KIAA0586: variants seen among roughly 807,000 people sequenced by gnomAD.
KIAA0586 encodes KIAA0586.
Under a neutral mutation model 169.8 loss-of-function variants are expected in KIAA0586, and 144 were observed. The observed-to-expected ratio is 0.85, with a 90% confidence interval of 0.74 to 0.97. The LOEUF (loss-of-function observed/expected upper bound fraction) is 0.97, where lower values mean the gene tolerates loss of function less well. Among genes scored for constraint, KIAA0586 ranks in the 50% least tolerant of loss-of-function variants. The pLI, the probability that KIAA0586 is intolerant of heterozygous loss-of-function variation, is 0.00. For missense variants in KIAA0586, 1,854 were observed against 1,823.0 expected (o/e 1.02, Z -0.31); for synonymous variants, 625 against 612.4 (o/e 1.02, Z -0.30).
At chr14:58,477,355 T>G in intron 20 of KIAA0586, 114 bp downstream of exon 20, 3 of 610,948 alleles carry the variant, frequency 4.9e-6, no homozygotes, top group Non-Finnish European at 2.9e-6. Flanking sequence ...AGGTAAGCTC[T>G]TCTAACCTTA....
chr14:58,487,659 A>G (rs985292291), intron 22 of KIAA0586, among the ~76,000 whole-genome samples: 23 of 152,104 alleles, frequency 1.5e-4, no homozygotes, highest in Admixed American at 1.5e-3. Flanking sequence ...CTTTAAGTAT[A>G]TGGTGGTATT....
intron 29 of KIAA0586, among the ~76,000 whole-genome samples, chr14:58,524,354 G>T (rs1401199613): frequency 6.6e-6 from 1 of 152,200 alleles, no homozygotes; most frequent in Non-Finnish European, 1.5e-5. Flanking sequence ...CTACTAGATT[G>T]TTAGTCTCTA....
In KIAA0586 at chr14:58,467,791, C is replaced by T. The variant is rs766349629; in HGVS notation, c.2311C>T (p.Pro771Ser). ...ACCTGCTGGAGTGATTGTCAGCAAGCCACACCCTGTAACTGTGACTACTTC... is the reference window on the plus strand; with the variant it reads ...ACCTGCTGGAGTGATTGTCAGCAAGTCACACCCTGTAACTGTGACTACTTC... ...MPPAGVIVSKPHPVTVTTSIP... is the reference protein window; with the variant it reads ...MPPAGVIVSKSHPVTVTTSIP... The change falls in exon 16 of 31, where the codon CCA (proline) becomes TCA (serine). Residue 771 changes from proline to serine, a missense_variant. Transcript: ENST00000652326. The T allele has an allele frequency of 1.2e-6, 2 of 1,613,602 alleles. No homozygotes were observed. Among genetic ancestry groups the T allele is most frequent in the South Asian group, 2.2e-5 (2 of 91,058 alleles).
At chr14:58,536,397 T>C (rs1004447513) in intron 29 of KIAA0586, among the ~76,000 whole-genome samples, 1 of 152,196 alleles carries the variant, frequency 6.6e-6, no homozygotes, top group African/African-American at 2.4e-5. Flanking sequence ...GAATATGTGG[T>C]AATGAATTTC....
At chr14:58,433,368 T>C (rs561434035) in intron 4 of KIAA0586, 1 of 152,324 alleles carries the variant, frequency 6.6e-6, no homozygotes, top group South Asian at 2.1e-4. Flanking sequence ...TGATCAGCCT[T>C]CAGTTTGTTT....
At chr14:58,543,131 C>CAAA (rs35632146) in intron 30 of KIAA0586, among the ~76,000 whole-genome samples, 7 of 119,902 alleles carry the variant, frequency 5.8e-5, no homozygotes, top group South Asian at 2.8e-4. Flanking sequence ...GATTACGTCT[C>CAAA]AAAAAAAAAA....
At chr14:58,454,740 T>C (rs1186580842) in intron 9 of KIAA0586, among the ~76,000 whole-genome samples, 3 of 152,242 alleles carry the variant, frequency 2.0e-5, no homozygotes, top group Non-Finnish European at 4.4e-5. Flanking sequence ...GGTTGGTTTC[T>C]TTTGAGGCCT....
Position 58,482,854 on chromosome 14 carries a change from T to C in KIAA0586, c.3144+142T>C, listed in dbSNP as rs191192379. ...TCTTTATTTATTGCCCTGGCTGGTC[T>C]TGAAGTTCTGGGCTTAAGTGATCCT... On this transcript the variant is annotated intron_variant, in intron 21 of 30. Coordinates refer to ENST00000652326, the MANE Select transcript of KIAA0586 (RefSeq NM_001329943.3). 79 of 606,192 alleles carry C rather than the reference T, an allele frequency of 1.3e-4. No homozygotes were observed. In the African/African-American group the frequency reaches 1.4e-3, roughly 11 times the overall value. The allele number at this position is 606,192 out of a possible 1,614,324, so 37.6% of individuals were successfully genotyped here.
intron 29 of KIAA0586, among the ~76,000 whole-genome samples, chr14:58,517,062 A>G (rs901876479): frequency 6.6e-6 from 1 of 152,194 alleles, no homozygotes; most frequent in African/African-American, 2.4e-5. Context: ...ATAGGAGAAA[A>G]TGTTTCTTTG....
chr14:58,545,361 T>G (rs1363270920), intron 30 of KIAA0586, among the ~76,000 whole-genome samples: 1 of 152,222 alleles, frequency 6.6e-6, no homozygotes, highest in Non-Finnish European at 1.5e-5. Flanking sequence ...AAGTTATAGC[T>G]CTTATTACAA....
At chr14:58,515,431 A>G (rs1326082027) in intron 29 of KIAA0586, among the ~76,000 whole-genome samples, 3 of 152,156 alleles carry the variant, frequency 2.0e-5, no homozygotes, top group African/African-American at 7.2e-5. Flanking sequence ...AAATATGTGA[A>G]CATTAGGAAA....
intron 22 of KIAA0586, among the ~76,000 whole-genome samples, 170 bp from the exon 23 acceptor site, chr14:58,487,717 G>A (rs2042560154): frequency 6.6e-6 from 1 of 151,898 alleles, no homozygotes; most frequent in South Asian, 2.1e-4. Flanking sequence ...ACTAAATTTA[G>A]GAATTATCAC....
intron 28 of KIAA0586, among the ~76,000 whole-genome samples, chr14:58,510,477 G>T (rs546075895): frequency 6.6e-6 from 1 of 152,140 alleles, no homozygotes; most frequent in Non-Finnish European, 1.5e-5. Flanking sequence ...TCTAAAAGGC[G>T]GTCATGCCAA....
intron 29 of KIAA0586, among the ~76,000 whole-genome samples, chr14:58,519,158 CAG>C (rs909515458): frequency 5.9e-5 from 9 of 152,250 alleles, no homozygotes; most frequent in South Asian, 2.1e-4. Flanking sequence ...CAAAACAAAA[CAG>C]GGGAATACAT....
At chr14:58,523,489 A>T in intron 29 of KIAA0586, among the ~76,000 whole-genome samples, 1 of 152,234 alleles carries the variant, frequency 6.6e-6, no homozygotes, top group Admixed American at 6.5e-5. Context: ...TCAAATTGAT[A>T]TAAAATATAA....
intron 16 of KIAA0586, 148 bp from the exon 17 acceptor site, chr14:58,470,465 A>G (rs909966440): frequency 5.5e-6 from 2 of 365,698 alleles, no homozygotes; most frequent in African/African-American, 2.1e-5. Context: ...TTTGTTATCC[A>G]TTGGGTTCAC....
intron 9 of KIAA0586, 61 bp from the exon 10 acceptor site, chr14:58,456,641 C>T (rs2039875572): frequency 2.3e-6 from 2 of 872,362 alleles, no homozygotes; most frequent in East Asian, 5.3e-5. Flanking sequence ...ACTGAATTTA[C>T]AACAATTTAG....
At chr14:58,471,431 C>G (rs2041205132) in intron 17 of KIAA0586, among the ~76,000 whole-genome samples, 1 of 152,148 alleles carries the variant, frequency 6.6e-6, no homozygotes, top group Non-Finnish European at 1.5e-5. Flanking sequence ...TGCATTTCTT[C>G]CTGGCATTTA....
rs2041271709 is a variant in KIAA0586 at position 58,472,172 on chromosome 14, A to G, written c.2554-27A>G. 6.6e-6 allele frequency: 9 copies of G among 1,364,570 alleles called. 1 individual carries two copies. The South Asian group carries it at 9.6e-5, about 15-fold the overall frequency. 84.5% of individuals were successfully genotyped at this position (1,364,570 alleles called of 1,614,324 possible). On this transcript the variant is annotated intron_variant, in intron 17 of 30. Coordinates refer to ENST00000652326, the MANE Select transcript of KIAA0586 (RefSeq NM_001329943.3). ...AAATTTTAAAAGTGTTAAGCACAAC[A>G]AAAACTTTCTGAAAATGCTTTCTTA...
Sources: allele counts gnomAD v4.1 joint callset (sites outside exome capture counted in the v4.1 genomes callset), GRCh38; gene constraint gnomAD v4.1.1; transcripts MANE v1.5; gene names NCBI Gene and HGNC (gene_info 2026-07-23, HGNC 2026-07-21).